Variants in COX7B2 observed in about 807,000 individuals in gnomAD.
COX7B2 encodes the protein cytochrome c oxidase subunit 7B2, mitochondrial.
For synonymous variants in COX7B2, 37 were observed against 32.1 expected, an observed-to-expected ratio of 1.15 and a Z score of -0.51; for missense variants, 109 against 95.9, an observed-to-expected ratio of 1.14 and a Z score of -0.57.
chr4:46,869,562 T>C (rs1191936550), intron 1 of COX7B2, among the ~76,000 whole-genome samples: 1 of 152,180 alleles, frequency 6.6e-6, no homozygotes, highest in Non-Finnish European at 1.5e-5. Flanking sequence ...AAGACAGGTC[T>C]GGTGGGTAAC....
intron 1 of COX7B2, among the ~76,000 whole-genome samples, chr4:46,859,429 AAGG>A (rs1424340657): frequency 5.9e-5 from 9 of 152,156 alleles, no homozygotes; most frequent in African/African-American, 2.2e-4. Context: ...GATCTTGATG[AAGG>A]AGCTTTCACA....
intron 2 of COX7B2, among the ~76,000 whole-genome samples, chr4:46,766,901 G>A (rs562356776): frequency 2.0e-5 from 3 of 151,988 alleles, no homozygotes; most frequent in East Asian, 3.9e-4. Flanking sequence ...CTACTACCAC[G>A]AAAAAATTAT....
At chr4:46,872,398 G>A (rs942283069) in intron 1 of COX7B2, among the ~76,000 whole-genome samples, 3 of 152,060 alleles carry the variant, frequency 2.0e-5, no homozygotes, top group African/African-American at 7.2e-5. Flanking sequence ...GGGTGATGAA[G>A]TAATCTGTAC....
intron 2 of COX7B2, among the ~76,000 whole-genome samples, chr4:46,825,791 A>G (rs1212513259): frequency 6.6e-6 from 1 of 152,206 alleles, no homozygotes. Flanking sequence ...AAGACTCCCT[A>G]TTCAATAAAT....
intron 2 of COX7B2, among the ~76,000 whole-genome samples, chr4:46,802,687 A>G (rs928832348): frequency 2.0e-5 from 3 of 152,192 alleles, no homozygotes; most frequent in African/African-American, 4.8e-5. Context: ...ATTTCTAACT[A>G]CAGCTGAGGC....
chr4:46,807,648 T>C (rs145798836), intron 2 of COX7B2, among the ~76,000 whole-genome samples: 2 of 152,008 alleles, frequency 1.3e-5, no homozygotes, highest in East Asian at 3.9e-4. Flanking sequence ...TTTGGTCTTA[T>C]ATTTAAGCTG....
At chr4:46,888,132 A>G (rs1056805791) in intron 1 of COX7B2, among the ~76,000 whole-genome samples, 2 of 152,200 alleles carry the variant, frequency 1.3e-5, no homozygotes, top group African/African-American at 4.8e-5. Context: ...GGAGCTCAAC[A>G]GGAGAAGCAA....
chr4:46,833,416 G>A (rs1436704728), intron 2 of COX7B2, among the ~76,000 whole-genome samples: 2 of 152,174 alleles, frequency 1.3e-5, no homozygotes, highest in African/African-American at 2.4e-5. Flanking sequence ...AATTTGGGAG[G>A]TGTATGCTTA....
chr4:46,850,311 T>C (rs17598602), intron 1 of COX7B2, among the ~76,000 whole-genome samples: 8,412 of 152,094 alleles, frequency 0.055, 304 homozygotes, highest in South Asian at 0.16. Context: ...TTGAATAAGA[T>C]ACAAGCCTCC....
At chr4:46,886,687 A>G (rs573616168) in intron 1 of COX7B2, among the ~76,000 whole-genome samples, 3 of 152,252 alleles carry the variant, frequency 2.0e-5, no homozygotes, top group African/African-American at 7.2e-5. Context: ...ATTAAAAAAT[A>G]AAAATGTCAG....
At chr4:46,781,689 TG>T (rs1200383979) in intron 2 of COX7B2, among the ~76,000 whole-genome samples, 1 of 152,192 alleles carries the variant, frequency 6.6e-6, no homozygotes, top group Non-Finnish European at 1.5e-5. Flanking sequence ...GGAGAGGGAA[TG>T]GTGGGAACCT....
At chr4:46,756,465 A>G (rs1229230908) in intron 2 of COX7B2, among the ~76,000 whole-genome samples, 1 of 152,090 alleles carries the variant, frequency 6.6e-6, no homozygotes, top group Non-Finnish European at 1.5e-5. Context: ...TAATTAAACT[A>G]AAAAGCTTCT....
chr4:46,853,701 A>G (rs1716842969), intron 1 of COX7B2, among the ~76,000 whole-genome samples: 1 of 151,984 alleles, frequency 6.6e-6, no homozygotes. Flanking sequence ...TAACATCAGT[A>G]TTTGTTTTAA....
At chr4:46,805,145 C>A (rs773431961) in intron 2 of COX7B2, among the ~76,000 whole-genome samples, 11 of 152,230 alleles carry the variant, frequency 7.2e-5, no homozygotes, top group Non-Finnish European at 1.2e-4. Context: ...AAGCACCGGG[C>A]AGCCCCAGTT....
At chr4:46,789,965 G>A (rs908639618) in intron 2 of COX7B2, among the ~76,000 whole-genome samples, 1 of 151,514 alleles carries the variant, frequency 6.6e-6, no homozygotes, top group Admixed American at 6.6e-5. Context: ...GTAACTGAAG[G>A]AAATAATTTT....
At chr4:46,748,715 C>A (rs1326967942) in intron 2 of COX7B2, among the ~76,000 whole-genome samples, 1 of 152,174 alleles carries the variant, frequency 6.6e-6, no homozygotes, top group Admixed American at 6.5e-5. Flanking sequence ...CTATTAGCTT[C>A]CATGATATTC....
intron 2 of COX7B2, among the ~76,000 whole-genome samples, chr4:46,798,773 G>A (rs1718491661): frequency 6.6e-6 from 1 of 152,154 alleles, no homozygotes; most frequent in Non-Finnish European, 1.5e-5. Context: ...TCATCCAACA[G>A]AAGTGATATA....
At chr4:46,798,667 G>A (rs1449232995) in intron 2 of COX7B2, among the ~76,000 whole-genome samples, 1 of 152,056 alleles carries the variant, frequency 6.6e-6, no homozygotes, top group East Asian at 1.9e-4. Flanking sequence ...TTTAACCATG[G>A]GTCACCAAGT....
At position 46,751,731 on chromosome 4, in the gene COX7B2, G is replaced by A. The variant is rs575287698; in HGVS notation, c.-49-16490C>T. Reference sequence around the variant, plus strand: ...ACTTCATTGAGGAAAAGACAATTACGGTGAGACCAGGCAAAGATTAGAAAT... The same window carrying A: ...ACTTCATTGAGGAAAAGACAATTACAGTGAGACCAGGCAAAGATTAGAAAT... On this transcript the variant is annotated intron_variant, in intron 2 of 2. Coordinates refer to ENST00000355591, the MANE Select transcript of COX7B2 (RefSeq NM_130902.3). Among the ~76,000 whole-genome samples the A allele has an allele frequency of 5.3e-5, 8 of 152,060 alleles. No individual in the cohort carries two copies. The South Asian group carries it at 6.2e-4, about 12-fold the overall frequency.
Sources: gnomAD v4.1 joint callset for allele counts (sites outside exome capture counted in the v4.1 genomes callset) on GRCh38, gnomAD v4.1.1 for gene constraint, MANE v1.5 for transcripts, NCBI Gene and HGNC (gene_info 2026-07-23, HGNC 2026-07-21) for gene names.